Variants in SPTBN1 observed in about 807,000 individuals in gnomAD.
SPTBN1 encodes the protein spectrin beta chain, non-erythrocytic 1.
Under a neutral mutation model 266.4 loss-of-function variants are expected in SPTBN1, and 32 were observed. The observed-to-expected ratio is 0.12, with a 90% CI of 0.09 to 0.16. The LOEUF (loss-of-function observed/expected upper bound fraction) is 0.16, where lower values mean the gene tolerates loss of function less well. Among genes scored for constraint, SPTBN1 ranks in the 10% least tolerant of loss-of-function variants. The pLI, the probability that SPTBN1 is intolerant of heterozygous loss-of-function variation, is 1.00. For missense variants in SPTBN1, 2,296 were observed against 3,067.1 expected (o/e 0.75, Z 5.94); for synonymous variants, 1,336 against 1,162.2 (o/e 1.15, Z -3.04).
intron 2 of SPTBN1, among the ~76,000 whole-genome samples, chr2:54,535,520 T>G (rs956209731): frequency 1.3e-5 from 2 of 152,232 alleles, no homozygotes; most frequent in Admixed American, 1.3e-4. Context: ...TGTGTCTAAC[T>G]TCTTTCACTT....
intron 15 of SPTBN1, among the ~76,000 whole-genome samples, 168 bp from the exon 16 acceptor site, chr2:54,630,687 A>G (rs1482466223): frequency 6.6e-6 from 1 of 152,202 alleles, no homozygotes; most frequent in African/African-American, 2.4e-5. Flanking sequence ...TATTTCCATT[A>G]TATTTGGTGT....
At chr2:54,651,679 G>A (rs754395050) in intron 26 of SPTBN1, among the ~76,000 whole-genome samples, 3 of 152,110 alleles carry the variant, frequency 2.0e-5, no homozygotes, top group African/African-American at 4.8e-5. Context: ...ATTTTATTGC[G>A]AGCAAATTGA....
chr2:54,479,914 C>CT (rs1459908491), intron 1 of SPTBN1, among the ~76,000 whole-genome samples: 1 of 151,644 alleles, frequency 6.6e-6, no homozygotes, highest in Non-Finnish European at 1.5e-5. Context: ...AGGCTGGCCT[C>CT]TAACTCCTGC....
intron 17 of SPTBN1, among the ~76,000 whole-genome samples, chr2:54,635,927 C>A (rs1239368759): frequency 6.6e-6 from 1 of 152,198 alleles, no homozygotes; most frequent in Admixed American, 6.5e-5. Context: ...AGCCCAAATT[C>A]ACTAACAATC....
chr2:54,584,702 C>G (rs746350121), intron 2 of SPTBN1, among the ~76,000 whole-genome samples: 1 of 152,100 alleles, frequency 6.6e-6, no homozygotes, highest in African/African-American at 2.4e-5. Context: ...TGAGAAGCAG[C>G]CAAGGTCATT....
Position 54,558,570 on chromosome 2 carries a change from A to G in SPTBN1, c.148+32004A>G. ...ACGGAAGAAGGGAAAGCAAGAAATTAGATGCCTGTGTGGTAACTCCTCGCG... is the reference window on the plus strand; with the variant it reads ...ACGGAAGAAGGGAAAGCAAGAAATTGGATGCCTGTGTGGTAACTCCTCGCG... On this transcript the variant is annotated intron_variant, in intron 2 of 35. Transcript: ENST00000356805. The surrounding 1 kb of genome is among the most constrained non-coding windows in gnomAD (Gnocchi z 4.6). 1 of 1,340,230 alleles carries G rather than the reference A, an allele frequency of 7.5e-7. No homozygotes were observed. Among genetic ancestry groups the G allele is most frequent in the Non-Finnish European group, 9.6e-7 (1 of 1,042,964 alleles). The allele number at this position is 1,340,230 out of a possible 1,614,324, so 83.0% of individuals were successfully genotyped here. A position where few individuals can be genotyped will look rare whatever the true frequency, so the allele number is the denominator to read the frequency against.
chr2:54,467,320 A>T (rs959645693), intron 1 of SPTBN1, among the ~76,000 whole-genome samples: 1 of 152,028 alleles, frequency 6.6e-6, no homozygotes. Context: ...TCCTTAAAAC[A>T]ATGTTATTTA....
At position 54,551,453 on chromosome 2, in the gene SPTBN1, T is replaced by C. The variant is rs73934449; in HGVS notation, c.148+24887T>C. On this transcript the variant is annotated intron_variant, in intron 2 of 35. Transcript: ENST00000356805. Reference sequence around the variant, plus strand: ...ATTCTTTTGTCTGTGCAGGGAAGCTTTGCATGTGTAGATAACAGACACGGT... The same window carrying C: ...ATTCTTTTGTCTGTGCAGGGAAGCTCTGCATGTGTAGATAACAGACACGGT... 9.1e-3 allele frequency among the ~76,000 whole-genome samples: 1,393 copies of C among 152,338 alleles called. 24 individuals are homozygous for C. Among genetic ancestry groups the C allele is most frequent in the African/African-American group, 0.032 (1,317 of 41,580 alleles).
At chr2:54,586,202 C>T (rs1675279428) in intron 2 of SPTBN1, among the ~76,000 whole-genome samples, 1 of 152,126 alleles carries the variant, frequency 6.6e-6, no homozygotes, top group Admixed American at 6.5e-5. Context: ...GGCTTACTTG[C>T]GTAGACAACT....
intron 2 of SPTBN1, among the ~76,000 whole-genome samples, chr2:54,590,260 T>C (rs1433259074): frequency 6.6e-6 from 1 of 152,236 alleles, no homozygotes; most frequent in Non-Finnish European, 1.5e-5. Flanking sequence ...ACCTGTCATA[T>C]ATTTTTAGTG....
At chr2:54,518,490 A>T (rs886427683) in intron 1 of SPTBN1, among the ~76,000 whole-genome samples, 4 of 151,496 alleles carry the variant, frequency 2.6e-5, no homozygotes, top group Non-Finnish European at 5.9e-5. Flanking sequence ...TTTCTTGTAG[A>T]TACTCCTTTT....
In SPTBN1 at chr2:54,646,047, C is replaced by G. The variant is rs951289962; in HGVS notation, c.4584+30C>G. Reference sequence around the variant, plus strand: ...GCCTTTCTGCTCGAGCTAGTTCTGTCTGATAAATAATTGCTCTAAATTATG... The same window carrying G: ...GCCTTTCTGCTCGAGCTAGTTCTGTGTGATAAATAATTGCTCTAAATTATG... On this transcript the variant is annotated intron_variant, in intron 22 of 35. Coordinates refer to ENST00000356805, the MANE Select transcript of SPTBN1 (RefSeq NM_003128.3). The surrounding 1 kb of genome is among the most constrained non-coding windows in gnomAD (Gnocchi z 4.4). The G allele has an allele frequency of 6.2e-7, 1 of 1,613,744 alleles. No homozygotes were observed. The highest frequency in any genetic ancestry group is 1.3e-5 in the African/African-American group (1 of 74,896).
At chr2:54,509,276 T>G (rs924964000) in intron 1 of SPTBN1, among the ~76,000 whole-genome samples, 11 of 152,074 alleles carry the variant, frequency 7.2e-5, no homozygotes, top group African/African-American at 2.7e-4. Flanking sequence ...GTATCCGGAA[T>G]AGTGTGGGAG....
At position 54,664,732 on chromosome 2, in the gene SPTBN1, G is replaced by A; in HGVS notation, c.6659+41G>A. 6.3e-7 allele frequency: 1 copy of A among 1,596,400 alleles called. No homozygotes were observed. The highest frequency in any genetic ancestry group is 8.6e-7 in the Non-Finnish European group (1 of 1,166,154). On this transcript the variant is annotated intron_variant, in intron 33 of 35. Transcript: ENST00000356805. This position sits in a 1 kb window ranked among gnomAD's most constrained non-coding sequence, Gnocchi z 5.6. ...GCTGCCACAGTAAGATGGGAAGTCA[G>A]CCTGTGAAGGGATAAGGCGGGCCAC... is the stretch of plus-strand genomic sequence containing the variant.
At chr2:54,466,355 C>CATGAGCCTATTAACA (rs1693629139) in intron 1 of SPTBN1, among the ~76,000 whole-genome samples, 1 of 89,158 alleles carries the variant, frequency 1.1e-5, no homozygotes, top group African/African-American at 7.5e-5. Context: ...TATGTTTATT[C>CATGAGCCTATTAACA]TTCGAGACCA....
At chr2:54,668,006 A>C (rs1681480079) in intron 35 of SPTBN1, among the ~76,000 whole-genome samples, 1 of 152,150 alleles carries the variant, frequency 6.6e-6, no homozygotes, top group African/African-American at 2.4e-5. Flanking sequence ...ACCTCAAGGA[A>C]AGAGAGAGTC....
intron 1 of SPTBN1, among the ~76,000 whole-genome samples, chr2:54,473,061 T>C (rs1694007022): frequency 6.6e-6 from 1 of 152,186 alleles, no homozygotes; most frequent in African/African-American, 2.4e-5. Flanking sequence ...ATCCTGAAAA[T>C]GGCTTTGTTT....
chr2:54,589,179 T>C (rs895689257), intron 2 of SPTBN1, among the ~76,000 whole-genome samples: 1 of 152,216 alleles, frequency 6.6e-6, no homozygotes, highest in African/African-American at 2.4e-5. Flanking sequence ...GAGGTAGTTG[T>C]GTTGCTTTGC....
intron 1 of SPTBN1, among the ~76,000 whole-genome samples, chr2:54,486,575 A>G (rs1261738173): frequency 6.6e-6 from 1 of 152,194 alleles, no homozygotes; most frequent in Non-Finnish European, 1.5e-5. Flanking sequence ...CCAGGGACAC[A>G]AATACTGTGG....
Sources: allele counts gnomAD v4.1 joint callset (sites outside exome capture counted in the v4.1 genomes callset), GRCh38; gene constraint gnomAD v4.1.1; non-coding constraint Gnocchi (gnomAD v3.1); transcripts MANE v1.5; gene names NCBI Gene and HGNC (gene_info 2026-07-23, HGNC 2026-07-21).